PRMT9: variants seen among roughly 807,000 people sequenced by gnomAD.
PRMT9 encodes the protein protein arginine N-methyltransferase 9.
PRMT9 carries 59 observed loss-of-function variants against 83.2 expected under a neutral mutation model. The observed-to-expected ratio is 0.71, with a 90% CI of 0.57 to 0.88. PRMT9 has a LOEUF of 0.88. PRMT9 is among the 40% of genes least tolerant of loss of function. The pLI is 0.00. For missense variants in PRMT9, 947 were observed against 1,021.9 expected, an observed-to-expected ratio of 0.93 and a Z score of 1.00; for synonymous variants, 333 against 353.2, an observed-to-expected ratio of 0.94 and a Z score of 0.64.
chr4:147,661,304 A>C (rs1240525983), intron 6 of PRMT9: 10 of 376,358 alleles, frequency 2.7e-5, no homozygotes, highest in Non-Finnish European at 4.7e-5. Flanking sequence ...AAAAGCAAGC[A>C]ACTAAGATAT....
chr4:147,667,647 T>A (rs1458623930), intron 6 of PRMT9, among the ~76,000 whole-genome samples: 1 of 152,218 alleles, frequency 6.6e-6, no homozygotes, highest in Non-Finnish European at 1.5e-5. Flanking sequence ...GGGTTCACAG[T>A]GGTTTTCATT....
At chr4:147,648,015 G>A (rs1014424744) in intron 9 of PRMT9, among the ~76,000 whole-genome samples, 2 of 152,080 alleles carry the variant, frequency 1.3e-5, no homozygotes, top group African/African-American at 4.8e-5. Context: ...ATACAACTCA[G>A]GAATAGCCGA....
chr4:147,660,672 G>T (rs1481640027), intron 7 of PRMT9, among the ~76,000 whole-genome samples, 174 bp downstream of exon 7: 1 of 152,062 alleles, frequency 6.6e-6, no homozygotes, highest in Non-Finnish European at 1.5e-5. Context: ...GGAAACCAAG[G>T]AAGAAAGCAA....
rs752287364 is a variant in PRMT9 at position 147,654,242 on chromosome 4, T to A, written c.1655A>T (p.Lys552Ile). 6.2e-7 allele frequency: 1 copy of A among 1,614,198 alleles called. No homozygotes were observed. The highest frequency in any genetic ancestry group is 8.5e-7 in the Non-Finnish European group (1 of 1,180,020). ...SKVLSSLTPE[K>I]LYQTMDTHCQ... ...GTGAGTATCCATGGTCTGATACAGT[T>A]TCTCTGGAGTCAGTGAAGACAAAAC... Residue 552 changes from lysine (K) to isoleucine (I), a missense_variant, in exon 9 of 12, where the codon AAA becomes ATA. Physicochemically the swap from Lys to Ile is moderately radical, Grantham distance 102 (BLOSUM62 -3). Transcript: ENST00000322396.
At chr4:147,683,256 A>C (rs573267684) in intron 1 of PRMT9, among the ~76,000 whole-genome samples, 11 of 152,326 alleles carry the variant, frequency 7.2e-5, no homozygotes, top group African/African-American at 2.6e-4. Flanking sequence ...GAAGAGGATC[A>C]CGTGAGACCT....
intron 6 of PRMT9, among the ~76,000 whole-genome samples, chr4:147,664,742 A>G (rs1032940948): frequency 2.0e-5 from 3 of 152,136 alleles, no homozygotes; most frequent in African/African-American, 4.8e-5. Context: ...ACCATGGCAC[A>G]TGTATACCTA....
intron 9 of PRMT9, among the ~76,000 whole-genome samples, chr4:147,650,129 A>C (rs1352897759): frequency 6.6e-6 from 1 of 152,224 alleles, no homozygotes; most frequent in African/African-American, 2.4e-5. Flanking sequence ...CAAGGGAAAG[A>C]TGCCCACTCT....
chr4:147,638,357 T>G lies in PRMT9; in HGVS notation c.*175A>C. On this transcript the variant is annotated 3_prime_UTR_variant, in exon 12 of 12. Transcript: ENST00000322396. ...TCCAGAAAGCAAATCTGCAGCAGTA[T>G]TTCTATAATAATGCTACCCTTTTAT... 1.6e-6 allele frequency: 1 copy of G among 612,196 alleles called. No homozygotes were observed. The highest frequency in any genetic ancestry group is 2.9e-6 in the Non-Finnish European group (1 of 347,536). The allele number at this position is 612,196 out of a possible 1,614,324, so 37.9% of individuals were successfully genotyped here.
chr4:147,657,253 C>T (rs182140597), intron 8 of PRMT9, among the ~76,000 whole-genome samples: 1 of 152,228 alleles, frequency 6.6e-6, no homozygotes, highest in African/African-American at 2.4e-5. Flanking sequence ...CGGCCGGGCG[C>T]AGTGGCTCAC....
At chr4:147,657,125 C>A (rs1049390744) in intron 8 of PRMT9, among the ~76,000 whole-genome samples, 1 of 152,082 alleles carries the variant, frequency 6.6e-6, no homozygotes, top group Non-Finnish European at 1.5e-5. Flanking sequence ...CAGGGCTCCA[C>A]AGACGTTATC....
chr4:147,652,874 G>A (rs1734209601), intron 9 of PRMT9, among the ~76,000 whole-genome samples: 1 of 152,134 alleles, frequency 6.6e-6, no homozygotes, highest in African/African-American at 2.4e-5. Flanking sequence ...GTTAGTGAGA[G>A]CCAGGCTGTT....
At chr4:147,674,582 ATT>A (rs1274413919) in intron 2 of PRMT9, among the ~76,000 whole-genome samples, 2 of 152,134 alleles carry the variant, frequency 1.3e-5, no homozygotes, top group Non-Finnish European at 2.9e-5. Flanking sequence ...TTTCTTCTTA[ATT>A]TTTTATTTTT....
At chr4:147,668,470 T>C in intron 6 of PRMT9, 69 bp downstream of exon 6, 1 of 960,004 alleles carries the variant, frequency 1.0e-6, no homozygotes, top group African/African-American at 1.6e-5. Flanking sequence ...TTTAAACCTC[T>C]TTCCTTTATA....
At chr4:147,654,623 A>G in intron 8 of PRMT9, 57 bp from the exon 9 acceptor site, 14 of 1,087,028 alleles carry the variant, frequency 1.3e-5, no homozygotes, top group Non-Finnish European at 2.0e-5. Context: ...CCAGAGGATC[A>G]CATAAACATC....
At chr4:147,643,014 C>T in intron 9 of PRMT9, 74 bp from the exon 10 acceptor site, 1 of 1,378,534 alleles carries the variant, frequency 7.3e-7, no homozygotes, top group Non-Finnish European at 1.0e-6. Flanking sequence ...AATCCTAGCA[C>T]TTTGGGAGGC....
intron 2 of PRMT9, among the ~76,000 whole-genome samples, chr4:147,675,482 A>C (rs954166307): frequency 5.3e-5 from 8 of 152,180 alleles, no homozygotes; most frequent in African/African-American, 1.9e-4. Flanking sequence ...TCTTGTTCTT[A>C]TTTGCAACTA....
At chr4:147,652,438 G>A (rs543177703) in intron 9 of PRMT9, among the ~76,000 whole-genome samples, 6 of 150,238 alleles carry the variant, frequency 4.0e-5, no homozygotes, top group South Asian at 2.1e-4. Flanking sequence ...GCGACAGGGC[G>A]AGACTCCATC....
rs1445636140 is a variant in PRMT9, at chr4:147,638,483, T to C, written c.*49A>G. ...CCCCCACTAATTAAGACAAGAATTTTGTACTTGTTGATGCTCTATTTACAC... is the reference window on the plus strand; with the variant it reads ...CCCCCACTAATTAAGACAAGAATTTCGTACTTGTTGATGCTCTATTTACAC... On this transcript the variant is annotated 3_prime_UTR_variant, in exon 12 of 12. Transcript: ENST00000322396. 19 of 1,421,446 alleles carry C rather than the reference T, an allele frequency of 1.3e-5. No individual in the cohort carries two copies. The highest frequency in any genetic ancestry group is 2.8e-5 in the African/African-American group (2 of 70,994). 88.1% of individuals were successfully genotyped at this position (1,421,446 alleles called of 1,614,324 possible).
At chr4:147,665,639 C>CTA (rs1735277828) in intron 6 of PRMT9, among the ~76,000 whole-genome samples, 1 of 152,160 alleles carries the variant, frequency 6.6e-6, no homozygotes, top group African/African-American at 2.4e-5. Flanking sequence ...CTCCAAGAAG[C>CTA]TATAGTTCCT....
Sources: allele counts gnomAD v4.1 joint callset (sites outside exome capture counted in the v4.1 genomes callset), GRCh38; gene constraint gnomAD v4.1.1; transcripts MANE v1.5; gene names NCBI Gene and HGNC (gene_info 2026-07-23, HGNC 2026-07-21).